The following RBFOX1 variants were observed in gnomAD, a reference collection of about 807,000 sequenced individuals.
RBFOX1 encodes the protein RNA binding protein fox-1 homolog 1.
In RBFOX1, 8 loss-of-function variants were observed where a neutral mutation model predicts 57.7. That is an observed-to-expected ratio of 0.14 (90% CI 0.08 to 0.25). The LOEUF (loss-of-function observed/expected upper bound fraction) is 0.25. Among genes scored for constraint, RBFOX1 ranks in the 10% least tolerant of loss-of-function variants. RBFOX1 has a pLI of 1.00. For synonymous variants in RBFOX1, 326 were observed against 222.4 expected (o/e 1.47, Z -4.15); for missense variants, 611 against 548.5 (o/e 1.11, Z -1.14).
rs377583219 is a variant in RBFOX1, at chr16:7,469,637, C to T, written c.28-48510C>T. On this transcript the variant is annotated intron_variant, in intron 4 of 15. Coordinates refer to ENST00000550418, the MANE Select transcript of RBFOX1 (RefSeq NM_018723.4). Reference sequence around the variant, plus strand: ...GCACCCACACTCCGTTTCCTCTCTTCTTAATGTCTCACATCATTATGGTAC... The same window carrying T: ...GCACCCACACTCCGTTTCCTCTCTTTTTAATGTCTCACATCATTATGGTAC... 3.9e-5 allele frequency among the ~76,000 whole-genome samples: 6 copies of T among 152,192 alleles called. No individual in the cohort carries two copies. The East Asian group carries it at 1.2e-3, about 29-fold the overall frequency.
In RBFOX1 at chr16:6,745,732, C is replaced by G. The variant is rs557941253; in HGVS notation, c.-16+91082C>G. ...CTGGTGTTGCCCCCAAGATTGGGAACAAAGCAAGGATTTATGCTTTCACCA... is the reference window on the plus strand; with the variant it reads ...CTGGTGTTGCCCCCAAGATTGGGAAGAAAGCAAGGATTTATGCTTTCACCA... On this transcript the variant is annotated intron_variant, in intron 3 of 15. Transcript: ENST00000550418. Among the ~76,000 whole-genome samples the G allele has an allele frequency of 2.6e-5, 4 of 152,216 alleles. No individual in the cohort carries two copies. The East Asian group carries it at 5.8e-4, about 22-fold the overall frequency.
At chr16:6,467,152 A>C (rs1447452256) in intron 2 of RBFOX1, among the ~76,000 whole-genome samples, 1 of 151,052 alleles carries the variant, frequency 6.6e-6, no homozygotes, top group Non-Finnish European at 1.5e-5. Flanking sequence ...AAGTTTACTT[A>C]ATATATTAGT....
At chr16:5,555,562 T>A (rs777066393) in intron 2 of RBFOX1, among the ~76,000 whole-genome samples, 4 of 151,836 alleles carry the variant, frequency 2.6e-5, no homozygotes, top group Non-Finnish European at 4.4e-5. Context: ...TGCAATTACT[T>A]TTAATGGCAA....
At chr16:6,962,826 C>G (rs886529109) in intron 3 of RBFOX1, among the ~76,000 whole-genome samples, 6 of 150,924 alleles carry the variant, frequency 4.0e-5, no homozygotes, top group Non-Finnish European at 7.4e-5. Context: ...GATCATGCCA[C>G]TGCACTCCAG....
chr16:5,389,393 A>T (rs2066342913), intron 1 of RBFOX1, among the ~76,000 whole-genome samples: 1 of 152,032 alleles, frequency 6.6e-6, no homozygotes, highest in African/African-American at 2.4e-5. Context: ...TGTGCCTCAT[A>T]CGATGTTGAG....
In RBFOX1 at chr16:6,982,463, T is replaced by A. The variant is rs370197417; in HGVS notation, c.-15-69594T>A. On this transcript the variant is annotated intron_variant, in intron 3 of 15. Coordinates refer to ENST00000550418, the MANE Select transcript of RBFOX1 (RefSeq NM_018723.4). ...AGTCCTTTCATTGCAGCGAGCTCCTTCTCATTCGTTCATGAGAGTCGTTGA... is the reference window on the plus strand; with the variant it reads ...AGTCCTTTCATTGCAGCGAGCTCCTACTCATTCGTTCATGAGAGTCGTTGA... 4.1e-4 allele frequency among the ~76,000 whole-genome samples: 63 copies of A among 152,274 alleles called. 1 individual carries two copies. The East Asian group carries it at 9.9e-3, about 24-fold the overall frequency.
intron 4 of RBFOX1, among the ~76,000 whole-genome samples, chr16:7,298,167 G>T (rs1235764124): frequency 6.7e-6 from 1 of 150,118 alleles, no homozygotes. Flanking sequence ...CCTGTACCTT[G>T]TTTTATTTAT....
chr16:6,173,029 T>C (rs1001320629), intron 1 of RBFOX1, among the ~76,000 whole-genome samples: 2 of 152,158 alleles, frequency 1.3e-5, no homozygotes, highest in African/African-American at 4.8e-5. Flanking sequence ...ATGCATTTCT[T>C]TGATAGTAAC....
chr16:7,377,804 G>A (rs1318104596), intron 4 of RBFOX1, among the ~76,000 whole-genome samples: 3 of 152,156 alleles, frequency 2.0e-5, no homozygotes, highest in African/African-American at 4.8e-5. Flanking sequence ...CAGATAGGTG[G>A]TAAACAAATA....
intron 3 of RBFOX1, among the ~76,000 whole-genome samples, chr16:6,873,576 A>G (rs944907818): frequency 2.0e-5 from 3 of 152,184 alleles, no homozygotes; most frequent in Non-Finnish European, 2.9e-5. Context: ...TGCATAAACT[A>G]TTGAGTTAAA....
At chr16:7,362,053 G>C (rs1039563576) in intron 4 of RBFOX1, among the ~76,000 whole-genome samples, 1 of 151,594 alleles carries the variant, frequency 6.6e-6, no homozygotes, top group Non-Finnish European at 1.5e-5. Flanking sequence ...TGTGTGTTTT[G>C]TGTATATGTT....
At chr16:5,500,354 C>T (rs1458583883) in intron 2 of RBFOX1, among the ~76,000 whole-genome samples, 1 of 152,080 alleles carries the variant, frequency 6.6e-6, no homozygotes, top group Non-Finnish European at 1.5e-5. Flanking sequence ...ACACAAGTAG[C>T]TGAGACAACA....
In RBFOX1 at chr16:7,420,970, T is replaced by A. The variant is rs896273960; in HGVS notation, c.28-97177T>A. On this transcript the variant is annotated intron_variant, in intron 4 of 15. Transcript: ENST00000550418. ...ACACACACACACACACATATATATA[T>A]ATATGTAGTCCTGCGCTTTCCTGAG... 4.7e-5 allele frequency among the ~76,000 whole-genome samples: 7 copies of A among 147,390 alleles called. No homozygotes were observed. In the East Asian group the frequency reaches 1.4e-3, roughly 29 times the overall value.
At chr16:7,589,149 C>T (rs2094300428) in intron 7 of RBFOX1, among the ~76,000 whole-genome samples, 1 of 152,210 alleles carries the variant, frequency 6.6e-6, no homozygotes, top group Admixed American at 6.5e-5. Context: ...CTTCTGTATT[C>T]TTGGCGAAAT....
At chr16:7,057,986 C>G (rs142446513) in intron 4 of RBFOX1, among the ~76,000 whole-genome samples, 18 of 125,872 alleles carry the variant, frequency 1.4e-4, no homozygotes, top group South Asian at 5.9e-4. Flanking sequence ...CCAGTCTGGT[C>G]GACAGAGGGA....
intron 1 of RBFOX1, among the ~76,000 whole-genome samples, chr16:6,157,388 T>C (rs4786089): frequency 0.58 from 87,626 of 151,874 alleles, 26,401 homozygotes; most frequent in Admixed American, 0.68. Flanking sequence ...TGAATATTTT[T>C]CCTTAGTATC....
At chr16:6,287,880 C>T (rs923153093) in intron 1 of RBFOX1, among the ~76,000 whole-genome samples, 2 of 152,156 alleles carry the variant, frequency 1.3e-5, no homozygotes, top group African/African-American at 4.8e-5. Context: ...TTCACATCTT[C>T]AGATAAGCTT....
intron 4 of RBFOX1, among the ~76,000 whole-genome samples, chr16:7,162,612 C>T (rs1458501086): frequency 1.1e-4 from 17 of 151,678 alleles, no homozygotes; most frequent in African/African-American, 3.9e-4. Flanking sequence ...GCCTGTAATC[C>T]CAGCTACTGG....
intron 2 of RBFOX1, among the ~76,000 whole-genome samples, chr16:6,388,723 G>C (rs1028478568): frequency 6.6e-6 from 1 of 152,088 alleles, no homozygotes; most frequent in African/African-American, 2.4e-5. Flanking sequence ...TTGGATGACA[G>C]AGCGAGATGC....
Sources: gnomAD v4.1 joint callset for allele counts (sites outside exome capture counted in the v4.1 genomes callset) on GRCh38, gnomAD v4.1.1 for gene constraint, MANE v1.5 for transcripts, NCBI Gene and HGNC (gene_info 2026-07-23, HGNC 2026-07-21) for gene names.